The following WNT9A variants were observed in gnomAD, a reference collection of about 807,000 sequenced individuals.
WNT9A encodes protein Wnt-9a.
Under a neutral mutation model 31.4 loss-of-function variants are expected in WNT9A, and 8 were observed. The ratio of observed to expected loss-of-function variants is 0.26; its 90% CI spans 0.15 to 0.46. WNT9A has a LOEUF of 0.46. Ranked by LOEUF, WNT9A falls within the 20% of genes least tolerant of loss-of-function variation. The probability of loss-of-function intolerance (pLI) is 0.99; values close to 1 mark genes in which losing one functional copy is unlikely to be tolerated. For missense variants in WNT9A, 457 were observed against 522.9 expected (o/e 0.87, Z 1.23); for synonymous variants, 236 against 220.1 (o/e 1.07, Z -0.64).
rs12024369 is a variant in WNT9A at position 227,921,791 on chromosome 1, C to T, written c.825G>A (p.Ser275=). The T allele has an allele frequency of 3.2e-5, 51 of 1,612,220 alleles. No homozygotes were observed. The highest frequency in any genetic ancestry group is 8.0e-5 in the African/African-American group (6 of 74,914). ...GAISPPRGRA[S]GAGGSDPLPR... ...GCAGCGGGTCGCTGCCACCTGCCCCCGAGGCACGGCCCCGTGGTGGGGAGA... is the reference window on the plus strand; with the variant it reads ...GCAGCGGGTCGCTGCCACCTGCCCCTGAGGCACGGCCCCGTGGTGGGGAGA... Residue 275 remains serine, a synonymous_variant, in exon 4 of 4, where the codon TCG becomes TCA. Coordinates refer to ENST00000272164, the MANE Select transcript of WNT9A (RefSeq NM_003395.4).
chr1:227,940,663 T>C (rs1666687090), intron 1 of WNT9A, among the ~76,000 whole-genome samples: 1 of 152,224 alleles, frequency 6.6e-6, no homozygotes, highest in African/African-American at 2.4e-5. Flanking sequence ...TCCAGCCCAC[T>C]TCCCCTGGCT....
Position 227,947,894 on chromosome 1 carries a change from G to A in WNT9A, c.-7C>T. On this transcript the variant is annotated 5_prime_UTR_variant, in exon 1 of 4. Transcript: ENST00000272164. ...GCGGGGACCCATCCAGCATCTTGCC[G>A]CGCCTCGGCGGCCGACCATCGCGCT... The A allele has an allele frequency of 4.7e-6, 5 of 1,066,474 alleles. No homozygotes were observed. The highest frequency in any genetic ancestry group is 5.7e-6 in the Non-Finnish European group (5 of 883,462). The allele number at this position is 1,066,474 out of a possible 1,614,324, so 66.1% of individuals were successfully genotyped here.
chr1:227,932,587 A>C (rs672977), intron 1 of WNT9A, among the ~76,000 whole-genome samples: 79,989 of 152,080 alleles, frequency 0.53, 21,263 homozygotes, highest in African/African-American at 0.6. Context: ...CTTTTCCTAG[A>C]TCCATCAGAG....
Position 227,940,030 on chromosome 1 carries a change from T to C in WNT9A, c.95+7763A>G, listed in dbSNP as rs535128969. ...TGGCCTGTGCAGATGCCCAGGTGCC[T>C]GCCAGGTGAAGCATCCTCGGGCCTG... On this transcript the variant is annotated intron_variant, in intron 1 of 3. Coordinates refer to ENST00000272164, the MANE Select transcript of WNT9A (RefSeq NM_003395.4). Among the ~76,000 whole-genome samples the C allele has an allele frequency of 5.3e-5, 8 of 152,282 alleles. No individual in the cohort carries two copies. The South Asian group carries it at 1.7e-3, about 32-fold the overall frequency.
intron 1 of WNT9A, among the ~76,000 whole-genome samples, chr1:227,931,061 G>A (rs1397595073): frequency 6.6e-6 from 1 of 151,814 alleles, no homozygotes; most frequent in Non-Finnish European, 1.5e-5. Context: ...TTTGAGGTAT[G>A]ACTCTTCTCT....
Position 227,925,106 on chromosome 1 carries a change from G to A in WNT9A, c.352+157C>T, listed in dbSNP as rs934499202. Among the ~76,000 whole-genome samples the A allele has an allele frequency of 6.6e-6, 1 of 152,176 alleles. No individual in the cohort carries two copies. The highest frequency in any genetic ancestry group is 1.5e-5 in the Non-Finnish European group (1 of 68,002). ...GGCAGGCAGCACTCAGGGAGGTCCC[G>A]GGGCTGCCCTTTCCAGGGCCTAGGC... On this transcript the variant is annotated intron_variant, in intron 2 of 3. Coordinates refer to ENST00000272164, the MANE Select transcript of WNT9A (RefSeq NM_003395.4). This position sits in a 1 kb window ranked among gnomAD's most constrained non-coding sequence, Gnocchi z 6.0.
chr1:227,938,575 G>A (rs969973089), intron 1 of WNT9A, among the ~76,000 whole-genome samples: 4 of 151,718 alleles, frequency 2.6e-5, no homozygotes, highest in South Asian at 2.1e-4. Context: ...GCACGCATAC[G>A]CACGTGCAGA....
Position 227,919,945 on chromosome 1 carries a change from C to A in WNT9A, c.*1573G>T, listed in dbSNP as rs989783717. ...ACAACAGCAGGGCCATAAAGCATGGCGTTCCATGGCCAGATGCGAGCCCAA... is the reference window on the plus strand; with the variant it reads ...ACAACAGCAGGGCCATAAAGCATGGAGTTCCATGGCCAGATGCGAGCCCAA... On this transcript the variant is annotated 3_prime_UTR_variant, in exon 4 of 4. Coordinates refer to ENST00000272164, the MANE Select transcript of WNT9A (RefSeq NM_003395.4). The A allele has an allele frequency of 2.0e-5, 3 of 152,332 alleles. No homozygotes were observed. Among genetic ancestry groups the A allele is most frequent in the South Asian group, 4.1e-4 (2 of 4,836 alleles). The allele number at this position is 152,332 out of a possible 1,614,324, so 9.4% of individuals were successfully genotyped here. A position where few individuals can be genotyped will look rare whatever the true frequency, so the allele number is the denominator to read the frequency against.
intron 1 of WNT9A, among the ~76,000 whole-genome samples, chr1:227,930,955 C>T (rs1045143343): frequency 1.3e-5 from 2 of 151,390 alleles, no homozygotes. Context: ...GCCGAGATCA[C>T]GCTACTGCAC....
intron 1 of WNT9A, among the ~76,000 whole-genome samples, chr1:227,930,747 G>A (rs1292717783): frequency 6.6e-6 from 1 of 152,176 alleles, no homozygotes; most frequent in Non-Finnish European, 1.5e-5. Context: ...GAGGCCAGGC[G>A]CAGTGGCTCA....
At chr1:227,923,007 G>A (rs529629643) in intron 3 of WNT9A, among the ~76,000 whole-genome samples, 3 of 152,280 alleles carry the variant, frequency 2.0e-5, no homozygotes, top group South Asian at 2.1e-4. Context: ...TTCATGTTCC[G>A]ACTTCTCATT....
rs920301966 is a variant in WNT9A, at chr1:227,925,630, G to C, written c.96-111C>G. 4.3e-6 allele frequency: 6 copies of C among 1,407,216 alleles called. No homozygotes were observed. Among genetic ancestry groups the C allele is most frequent in the Non-Finnish European group, 5.6e-6 (6 of 1,079,554 alleles). The allele number at this position is 1,407,216 out of a possible 1,614,324, so 87.2% of individuals were successfully genotyped here. A position where few individuals can be genotyped will look rare whatever the true frequency, so the allele number is the denominator to read the frequency against. On this transcript the variant is annotated intron_variant, in intron 1 of 3. Transcript: ENST00000272164. This position sits in a 1 kb window ranked among gnomAD's most constrained non-coding sequence, Gnocchi z 6.0. Reference sequence around the variant, plus strand: ...GACAGGCGTGTCCATCCGGGGGTGAGGGGGCAGAAAGAATCCAGGATGAGC... The same window carrying C: ...GACAGGCGTGTCCATCCGGGGGTGACGGGGCAGAAAGAATCCAGGATGAGC...
chr1:227,924,936 C>T (rs903074515), intron 2 of WNT9A, among the ~76,000 whole-genome samples: 17 of 152,186 alleles, frequency 1.1e-4, no homozygotes. Context: ...AGAGTCTGCA[C>T]AGGCATAGCC....
chr1:227,932,087 A>G (rs921293536), intron 1 of WNT9A, among the ~76,000 whole-genome samples: 6 of 152,184 alleles, frequency 3.9e-5, no homozygotes, highest in African/African-American at 1.2e-4. Context: ...TTCATGAAAG[A>G]CTTCTCTATA....
At chr1:227,940,546 G>A (rs1666680116) in intron 1 of WNT9A, among the ~76,000 whole-genome samples, 1 of 152,190 alleles carries the variant, frequency 6.6e-6, no homozygotes, top group Non-Finnish European at 1.5e-5. Context: ...CCACCCCACA[G>A]TGACTCCAGG....
intron 3 of WNT9A, among the ~76,000 whole-genome samples, chr1:227,923,847 C>A (rs1336325067): frequency 6.6e-6 from 1 of 152,168 alleles, no homozygotes; most frequent in African/African-American, 2.4e-5. Context: ...GGTGGCCCCA[C>A]AGGGACCGTG....
In WNT9A at chr1:227,921,560, C is replaced by A; in HGVS notation, c.1056G>T (p.Arg352Ser). 1.2e-6 allele frequency: 2 copies of A among 1,613,106 alleles called. No homozygotes were observed. Among genetic ancestry groups the A allele is most frequent in the Non-Finnish European group, 1.7e-6 (2 of 1,179,766 alleles). The change falls in exon 4 of 4, where the codon AGG becomes AGT. Residue 352 changes from arginine to serine, a missense_variant. Physicochemically the swap from Arg to Ser is moderately radical, Grantham distance 110. Transcript: ENST00000272164. Reference sequence around the variant, plus strand: ...AGACCTCCTCACGCTGCGTGCACTGCCTGCACTCCACATAGCAGCACCAAC... The same window carrying A: ...AGACCTCCTCACGCTGCGTGCACTGACTGCACTCCACATAGCAGCACCAAC... ...QVRWCCYVECRQCTQREEVYT... is the reference protein window; with the variant it reads ...QVRWCCYVECSQCTQREEVYT...
intron 3 of WNT9A, among the ~76,000 whole-genome samples, chr1:227,923,724 G>T (rs555411297): frequency 3.9e-5 from 6 of 152,008 alleles, no homozygotes; most frequent in Non-Finnish European, 5.9e-5. Context: ...CTTGGTCTGT[G>T]GGGGGCACAT....
chr1:227,935,892 G>T (rs1326661850), intron 1 of WNT9A, among the ~76,000 whole-genome samples: 1 of 152,196 alleles, frequency 6.6e-6, no homozygotes, highest in Non-Finnish European at 1.5e-5. Flanking sequence ...TACCTGGGCA[G>T]CACAGGGCCA....
Sources: allele counts gnomAD v4.1 joint callset (sites outside exome capture counted in the v4.1 genomes callset), GRCh38; gene constraint gnomAD v4.1.1; non-coding constraint Gnocchi (gnomAD v3.1); transcripts MANE v1.5; gene names NCBI Gene and HGNC (gene_info 2026-07-23, HGNC 2026-07-21).